DYNC2H1: variants seen among roughly 807,000 people sequenced by gnomAD.
DYNC2H1 encodes dynein cytoplasmic 2 heavy chain 1, also known as cytoplasmic dynein 2 heavy chain 1.
DYNC2H1 carries 410 observed loss-of-function variants against 570.0 expected under a neutral mutation model. That is an observed-to-expected ratio of 0.72 (90% CI 0.66 to 0.78). The LOEUF (loss-of-function observed/expected upper bound fraction) is 0.78, where lower values mean the gene tolerates loss of function less well. Among genes scored for constraint, DYNC2H1 ranks in the 30% least tolerant of loss-of-function variants. DYNC2H1 has a pLI of 0.00. For missense variants in DYNC2H1, 4,865 were observed against 5,046.4 expected (o/e 0.96, Z 1.09); for synonymous variants, 1,688 against 1,677.6 (o/e 1.01, Z -0.15).
At chr11:103,312,387 A>C (rs1173070962) in intron 79 of DYNC2H1, among the ~76,000 whole-genome samples, 1 of 149,628 alleles carries the variant, frequency 6.7e-6, no homozygotes, top group Non-Finnish European at 1.5e-5. Context: ...TCTCAAAAAA[A>C]AAAAAAAAAA....
chr11:103,437,552 A>G (rs1477677019), intron 85 of DYNC2H1, among the ~76,000 whole-genome samples: 1 of 152,158 alleles, frequency 6.6e-6, no homozygotes, highest in African/African-American at 2.4e-5. Flanking sequence ...AAAATTAGCA[A>G]GTAGAGAAGA....
intron 52 of DYNC2H1, among the ~76,000 whole-genome samples, chr11:103,207,759 T>C (rs751172994): frequency 1.3e-5 from 2 of 152,066 alleles, no homozygotes; most frequent in Non-Finnish European, 2.9e-5. Context: ...TCTCAAGCCA[T>C]AGGTGCTTTG....
chr11:103,364,326 ATT>A lies in DYNC2H1; in HGVS notation c.12156+5979_12156+5980del, dbSNP rs34285412. Among the ~76,000 whole-genome samples, 105 of 147,994 alleles carry A rather than the reference ATT, an allele frequency of 7.1e-4. 1 individual carries two copies. Among genetic ancestry groups the A allele is most frequent in the Middle Eastern group, 3.6e-3 (1 of 274 alleles). ...CGTGAGAAGCAGTTTCCTTTTGATG[ATT>A]TTTTTTTTTTTAAGGGCTGGTATTT... is the stretch of plus-strand genomic sequence containing the variant. On this transcript the variant is annotated intron_variant, in intron 83 of 88. Transcript: ENST00000375735.
rs1322594151 is a variant in DYNC2H1 at position 103,125,403 on chromosome 11, C to G, written c.1857+108C>G. On this transcript the variant is annotated intron_variant, in intron 12 of 88. Coordinates refer to ENST00000375735, the MANE Select transcript of DYNC2H1 (RefSeq NM_001377.3). Reference sequence around the variant, plus strand: ...TTTTTTTTAGGCTCATAGAATAGCACTGCCAGCTGTGAAATTATGTTTTAC... The same window carrying G: ...TTTTTTTTAGGCTCATAGAATAGCAGTGCCAGCTGTGAAATTATGTTTTAC... 1.0e-5 allele frequency: 8 copies of G among 798,138 alleles called. No individual in the cohort carries two copies. In the African/African-American group the frequency reaches 1.5e-4, roughly 15 times the overall value. The allele number at this position is 798,138 out of a possible 1,614,324, so 49.4% of individuals were successfully genotyped here. A position where few individuals can be genotyped will look rare whatever the true frequency, so the allele number is the denominator to read the frequency against.
chr11:103,167,265 A>AT (rs1188767892), intron 31 of DYNC2H1, among the ~76,000 whole-genome samples: 1,448 of 144,080 alleles, frequency 0.01, 12 homozygotes, highest in Non-Finnish European at 0.016. Flanking sequence ...GCTTTAAAGT[A>AT]TTTTTTTTTT....
chr11:103,179,124 A>G lies in DYNC2H1; in HGVS notation c.6238A>G (p.Ser2080Gly), dbSNP rs552149023. 6.2e-7 allele frequency: 1 copy of G among 1,613,146 alleles called. No homozygotes were observed. The highest frequency in any genetic ancestry group is 8.5e-7 in the Non-Finnish European group (1 of 1,179,422). The change falls in exon 39 of 89, where the codon AGT (serine) becomes GGT (glycine). Residue 2080 changes from serine (S) to glycine (G), a missense_variant. Ser to Gly is a moderately conservative substitution (Grantham distance 56). Transcript: ENST00000375735. ...TGATAATCGACTGCTGACTATGCCC[A>G]GTGGAGAAAGGATTCAGTTTGGCCC... is the stretch of plus-strand genomic sequence containing the variant. ...LDDNRLLTMP[S>G]GERIQFGPNV...
intron 45 of DYNC2H1, among the ~76,000 whole-genome samples, chr11:103,190,286 T>C (rs1862243483): frequency 6.6e-6 from 1 of 152,210 alleles, no homozygotes; most frequent in Non-Finnish European, 1.5e-5. Flanking sequence ...AAAACATTTG[T>C]TGAGCACCTT....
At chr11:103,112,031 T>C (rs952058716) in intron 1 of DYNC2H1, among the ~76,000 whole-genome samples, 5 of 152,180 alleles carry the variant, frequency 3.3e-5, no homozygotes, top group Non-Finnish European at 7.3e-5. Context: ...AATAATGTTA[T>C]AGTAGTGATG....
chr11:103,423,008 AT>A (rs979017022), intron 84 of DYNC2H1, among the ~76,000 whole-genome samples: 1 of 151,158 alleles, frequency 6.6e-6, no homozygotes, highest in South Asian at 2.1e-4. Flanking sequence ...ATTTGAGTCT[AT>A]TTTTTTTTCT....
intron 17 of DYNC2H1, among the ~76,000 whole-genome samples, chr11:103,140,335 T>C (rs1166651529): frequency 1.3e-5 from 2 of 152,200 alleles, no homozygotes; most frequent in African/African-American, 2.4e-5. Flanking sequence ...GGCATGATTT[T>C]GCAGCGGCTG....
intron 50 of DYNC2H1, among the ~76,000 whole-genome samples, chr11:103,202,819 T>C (rs1565392527): frequency 6.6e-6 from 1 of 152,188 alleles, no homozygotes; most frequent in Non-Finnish European, 1.5e-5. Flanking sequence ...GACCAAGTTT[T>C]AAATACTGTT....
At chr11:103,248,050 G>T (rs1215495940) in intron 65 of DYNC2H1, among the ~76,000 whole-genome samples, 1 of 151,994 alleles carries the variant, frequency 6.6e-6, no homozygotes, top group East Asian at 1.9e-4. Flanking sequence ...TATGGAACAT[G>T]CTGCTTTTTA....
At chr11:103,396,980 G>A (rs968836404) in intron 83 of DYNC2H1, among the ~76,000 whole-genome samples, 1 of 152,172 alleles carries the variant, frequency 6.6e-6, no homozygotes, top group Non-Finnish European at 1.5e-5. Context: ...TAAAAGGTGG[G>A]AGGTGGGTAA....
In DYNC2H1 at chr11:103,214,444, TTC is replaced by T. The variant is rs1440661062; in HGVS notation, c.8695-1275_8695-1274del. The stretch of plus-strand genomic sequence containing the variant: ...ATTTTAACAATACTAGTACTTCTTC[TTC>T]TTTTTTTTTTTTTTTTGAGTAGGAG... On this transcript the variant is annotated intron_variant, in intron 54 of 88. Transcript: ENST00000375735. 7.1e-4 allele frequency among the ~76,000 whole-genome samples: 28 copies of T among 39,334 alleles called. 2 individuals are homozygous for T. The highest frequency in any genetic ancestry group is 2.4e-3 in the East Asian group (4 of 1,678). 25.8% of individuals were successfully genotyped at this position (39,334 alleles called of 152,430 possible). A position where few individuals can be genotyped will look rare whatever the true frequency, so the allele number is the denominator to read the frequency against.
At chr11:103,312,845 A>G (rs1242909712) in intron 79 of DYNC2H1, among the ~76,000 whole-genome samples, 1 of 152,174 alleles carries the variant, frequency 6.6e-6, no homozygotes, top group East Asian at 1.9e-4. Context: ...GTTCTTCCCA[A>G]TAAAAGCCAT....
chr11:103,372,891 T>A (rs970482289), intron 83 of DYNC2H1, among the ~76,000 whole-genome samples: 3 of 152,182 alleles, frequency 2.0e-5, no homozygotes, highest in Non-Finnish European at 2.9e-5. Flanking sequence ...TTTGAAGACT[T>A]CTATTACACA....
rs746496570 is a variant in DYNC2H1 at position 103,121,467 on chromosome 11, A to G, written c.1456A>G (p.Ile486Val). ...AAATCTTTCAGAAGTTGTCAACAGT[A>G]TAGTTTGGGTTCGCCAGTTGGAATT... Reference protein sequence around the residue: ...GKNLSEVVNSIVWVRQLELKV... With the variant: ...GKNLSEVVNSVVWVRQLELKV... Residue 486 changes from isoleucine to valine, a missense_variant, in exon 10 of 89, where the codon ATA (isoleucine) becomes GTA (valine). Ile to Val is a conservative substitution (Grantham distance 29). Coordinates refer to ENST00000375735, the MANE Select transcript of DYNC2H1 (RefSeq NM_001377.3). 3 of 1,613,154 alleles carry G rather than the reference A, an allele frequency of 1.9e-6. No homozygotes were observed. Among genetic ancestry groups the G allele is most frequent in the South Asian group, 2.2e-5 (2 of 90,866 alleles).
intron 88 of DYNC2H1, among the ~76,000 whole-genome samples, chr11:103,477,665 A>T (rs1945598288): frequency 6.6e-6 from 1 of 151,794 alleles, no homozygotes; most frequent in Non-Finnish European, 1.5e-5. Context: ...CCCTGTCTCT[A>T]CTAAAAATAC....
intron 61 of DYNC2H1, among the ~76,000 whole-genome samples, chr11:103,234,462 C>T (rs1864145675): frequency 6.6e-6 from 1 of 151,952 alleles, no homozygotes; most frequent in Non-Finnish European, 1.5e-5. Flanking sequence ...AATTTACCTT[C>T]ACCAGGACAG....
Sources: allele counts gnomAD v4.1 joint callset (sites outside exome capture counted in the v4.1 genomes callset), GRCh38; gene constraint gnomAD v4.1.1; transcripts MANE v1.5; gene names NCBI Gene and HGNC (gene_info 2026-07-23, HGNC 2026-07-21).